The following NT5C2 variants were observed in gnomAD, a reference collection of about 807,000 sequenced individuals.
NT5C2 encodes cytosolic purine 5'-nucleotidase.
Under a neutral mutation model 76.1 loss-of-function variants are expected in NT5C2, and 58 were observed. The observed-to-expected ratio is 0.76, with a 90% CI of 0.62 to 0.95. NT5C2 has a LOEUF of 0.95. Among genes scored for constraint, NT5C2 ranks in the 40% least tolerant of loss-of-function variants. The pLI is 0.00. For missense variants in NT5C2, 478 were observed against 690.3 expected (o/e 0.69, Z 3.45); for synonymous variants, 229 against 237.4 (o/e 0.96, Z 0.32).
intron 1 of NT5C2, among the ~76,000 whole-genome samples, chr10:103,185,191 A>G (rs529010410): frequency 1.1e-4 from 16 of 152,298 alleles, no homozygotes; most frequent in African/African-American, 3.6e-4. Flanking sequence ...CATGTAAGGA[A>G]AACATTTTAA....
chr10:103,110,267 C>A (rs1483069001), intron 4 of NT5C2, among the ~76,000 whole-genome samples: 1 of 152,090 alleles, frequency 6.6e-6, no homozygotes, highest in African/African-American at 2.4e-5. Context: ...ACCACCCTGG[C>A]CAATATGGCG....
At position 103,089,961 on chromosome 10, in the gene NT5C2, T is replaced by G. The variant is rs2066271597; in HGVS notation, c.1450-53A>C. 7 of 1,449,918 alleles carry G rather than the reference T, an allele frequency of 4.8e-6. No homozygotes were observed. Among genetic ancestry groups the G allele is most frequent in the Non-Finnish European group, 6.5e-6 (7 of 1,071,036 alleles). 89.8% of individuals were successfully genotyped at this position (1,449,918 alleles called of 1,614,324 possible). ...AAAGCAGGCAGAGCAAAGTAGCTAC[T>G]CCCCAAATCCTAACCCCTCTCCTCT... On this transcript the variant is annotated intron_variant, in intron 18 of 18. Coordinates refer to ENST00000404739, the MANE Select transcript of NT5C2 (RefSeq NM_001351169.2).
intron 4 of NT5C2, among the ~76,000 whole-genome samples, chr10:103,128,598 C>T (rs1426994313): frequency 1.6e-5 from 1 of 62,538 alleles, no homozygotes; most frequent in East Asian, 4.4e-4. Flanking sequence ...TCCGCCCGGC[C>T]GCCATCCCAT....
chr10:103,137,506 C>A (rs761534860), intron 4 of NT5C2, among the ~76,000 whole-genome samples: 1 of 152,166 alleles, frequency 6.6e-6, no homozygotes, highest in East Asian at 1.9e-4. Context: ...TGTTTGAACA[C>A]GTATTATTCA....
intron 11 of NT5C2, among the ~76,000 whole-genome samples, chr10:103,096,905 A>G (rs2068354901): frequency 6.6e-6 from 1 of 151,688 alleles, no homozygotes; most frequent in East Asian, 1.9e-4. Flanking sequence ...GAGCCAAAAC[A>G]TCTGTGCAGC....
At chr10:103,163,199 T>C (rs1357713399) in intron 3 of NT5C2, among the ~76,000 whole-genome samples, 1 of 152,216 alleles carries the variant, frequency 6.6e-6, no homozygotes. Context: ...CTGAAGAACA[T>C]TTGGGCTGCC....
chr10:103,172,088 T>G (rs1425113102), intron 3 of NT5C2, among the ~76,000 whole-genome samples: 1 of 151,798 alleles, frequency 6.6e-6, no homozygotes, highest in African/African-American at 2.4e-5. Flanking sequence ...TGTGTGCCTG[T>G]AATCCCAGCT....
chr10:103,093,914 A>T, intron 14 of NT5C2, 58 bp downstream of exon 14: 1 of 1,314,758 alleles, frequency 7.6e-7, no homozygotes, highest in Admixed American at 1.7e-5. Context: ...GAGATTACCA[A>T]AGCTTTCACT....
Position 103,130,107 on chromosome 10 carries a change from T to C in NT5C2, c.175+9299A>G, listed in dbSNP as rs995467827. 1.7e-3 allele frequency among the ~76,000 whole-genome samples: 251 copies of C among 151,806 alleles called. 1 individual carries two copies. Among genetic ancestry groups the C allele is most frequent in the African/African-American group, 5.8e-3 (240 of 41,432 alleles). On this transcript the variant is annotated intron_variant, in intron 4 of 18. Coordinates refer to ENST00000404739, the MANE Select transcript of NT5C2 (RefSeq NM_001351169.2). ...GGATGACAATGGCGGCTTTGTGGAA[T>C]AGAAAGGCAGGAAAGGTGGGGAAAA...
At chr10:103,144,252 T>C (rs541891658) in intron 3 of NT5C2, among the ~76,000 whole-genome samples, 2 of 152,276 alleles carry the variant, frequency 1.3e-5, no homozygotes, top group South Asian at 4.1e-4. Context: ...AAATATTCTA[T>C]GGGAATACAA....
chr10:103,145,657 C>T (rs1469502875), intron 3 of NT5C2, among the ~76,000 whole-genome samples: 3 of 152,132 alleles, frequency 2.0e-5, no homozygotes, highest in Non-Finnish European at 4.4e-5. Context: ...CTAAACTAAG[C>T]ATCCAATCTT....
chr10:103,181,017 T>G (rs1403673817), intron 2 of NT5C2, among the ~76,000 whole-genome samples, 168 bp downstream of exon 2: 4 of 152,084 alleles, frequency 2.6e-5, no homozygotes, highest in Non-Finnish European at 5.9e-5. Context: ...AGTGGTTCCC[T>G]GGGGTAAGGA....
Position 103,090,664 on chromosome 10 carries a change from T to C in NT5C2, c.1396A>G (p.Ile466Val). The change falls in exon 18 of 19, where the codon ATC (isoleucine) becomes GTC (valine). Residue 466 changes from isoleucine to valine, a missense_variant. Coordinates refer to ENST00000404739, the MANE Select transcript of NT5C2 (RefSeq NM_001351169.2). ...CTGAAAGGGTAATACAGCAGGTTGA[T>C]GAAAGATGCTGCATAGAGGTCAGCA... is the stretch of plus-strand genomic sequence containing the variant. ...RYADLYAASFINLLYYPFSYL... is the reference protein window; with the variant it reads ...RYADLYAASFVNLLYYPFSYL... The C allele has an allele frequency of 6.2e-7, 1 of 1,614,168 alleles. No individual in the cohort carries two copies. The highest frequency in any genetic ancestry group is 8.5e-7 in the Non-Finnish European group (1 of 1,180,034).
At chr10:103,159,717 T>C (rs2084342012) in intron 3 of NT5C2, among the ~76,000 whole-genome samples, 1 of 150,634 alleles carries the variant, frequency 6.6e-6, no homozygotes, top group East Asian at 1.9e-4. Flanking sequence ...GTGCAAGACC[T>C]GTACAATGAA....
intron 2 of NT5C2, among the ~76,000 whole-genome samples, chr10:103,178,879 G>A (rs2090530606): frequency 6.8e-6 from 1 of 147,644 alleles, no homozygotes; most frequent in African/African-American, 2.5e-5. Context: ...GGGTTGCTCT[G>A]TAAACAGAGT....
In NT5C2 at chr10:103,124,946, T is replaced by C. The variant is rs569119345; in HGVS notation, c.175+14460A>G. 3 of 150,292 alleles carry C rather than the reference T, an allele frequency of 2.0e-5. No individual in the cohort carries two copies. The Admixed American group carries it at 2.0e-4, about 10-fold the overall frequency. 9.3% of individuals were successfully genotyped at this position (150,292 alleles called of 1,614,324 possible). ...ATATAATTTAACAGAAAAAGGATTA[T>C]TCTCCCTTTTTTTAAAAAATAACTT... On this transcript the variant is annotated intron_variant, in intron 4 of 18. Coordinates refer to ENST00000404739, the MANE Select transcript of NT5C2 (RefSeq NM_001351169.2).
rs573575164 is a variant in NT5C2 at position 103,125,881 on chromosome 10, A to G, written c.175+13525T>C. Among the ~76,000 whole-genome samples the G allele has an allele frequency of 3.9e-5, 6 of 152,362 alleles. No homozygotes were observed. In the South Asian group the frequency reaches 1.2e-3, roughly 32 times the overall value. ...ACCAAATTCAGAAATAGTATAGATT[A>G]GTCCCTTCATTTTGTGGAGAGTGCA... On this transcript the variant is annotated intron_variant, in intron 4 of 18. Transcript: ENST00000404739.
At chr10:103,166,572 G>A (rs201486972) in intron 3 of NT5C2, among the ~76,000 whole-genome samples, 1 of 152,090 alleles carries the variant, frequency 6.6e-6, no homozygotes, top group East Asian at 1.9e-4. Context: ...CATTCCTTAG[G>A]AAGATGAAAC....
chr10:103,183,262 G>GATATAT (rs201371414), intron 1 of NT5C2, among the ~76,000 whole-genome samples: 5,001 of 73,186 alleles, frequency 0.068, 261 homozygotes, highest in Non-Finnish European at 0.074. Context: ...GTGTGTGTGT[G>GATATAT]ATATATATAT....
Sources: gnomAD v4.1 joint callset for allele counts (sites outside exome capture counted in the v4.1 genomes callset) on GRCh38, gnomAD v4.1.1 for gene constraint, MANE v1.5 for transcripts, NCBI Gene and HGNC (gene_info 2026-07-23, HGNC 2026-07-21) for gene names.